ARL15: variants seen among roughly 807,000 people sequenced by gnomAD.
ARL15 encodes the protein ARF like GTPase 15.
Under a neutral mutation model 25.2 loss-of-function variants are expected in ARL15, and 19 were observed. The ratio of observed to expected loss-of-function variants is 0.75; its 90% CI spans 0.53 to 1.10. The LOEUF (loss-of-function observed/expected upper bound fraction) is 1.10. ARL15 is among the 50% of genes least tolerant of loss of function. ARL15 has a pLI of 0.00. For missense variants in ARL15, 220 were observed against 246.0 expected (o/e 0.89, Z 0.71); for synonymous variants, 94 against 86.8 (o/e 1.08, Z -0.46).
At chr5:54,085,227 G>C (rs760633028) in intron 4 of ARL15, among the ~76,000 whole-genome samples, 2 of 152,106 alleles carry the variant, frequency 1.3e-5, no homozygotes, top group Non-Finnish European at 2.9e-5. Flanking sequence ...AAACTACTGT[G>C]AATCAAAAGA....
intron 1 of ARL15, among the ~76,000 whole-genome samples, chr5:54,197,745 G>C (rs1466314862): frequency 6.6e-6 from 1 of 152,058 alleles, no homozygotes; most frequent in Non-Finnish European, 1.5e-5. Flanking sequence ...CATTCCTTCT[G>C]AAACTATTCC....
chr5:53,936,180 C>T (rs1332396385), intron 4 of ARL15, among the ~76,000 whole-genome samples: 2 of 152,282 alleles, frequency 1.3e-5, no homozygotes, highest in African/African-American at 2.4e-5. Flanking sequence ...CATGTTAGGC[C>T]TCTTTTCCTA....
intron 3 of ARL15, among the ~76,000 whole-genome samples, chr5:54,132,251 A>T (rs941163801): frequency 1.6e-4 from 25 of 152,154 alleles, no homozygotes; most frequent in African/African-American, 5.5e-4. Flanking sequence ...ACTACCATAT[A>T]GTATAAGAAA....
chr5:53,907,654 T>A (rs2111966566), intron 4 of ARL15, among the ~76,000 whole-genome samples: 1 of 150,848 alleles, frequency 6.6e-6, no homozygotes, highest in Non-Finnish European at 1.5e-5. Context: ...CCCTCCACCA[T>A]GCCCTGCTAA....
At chr5:54,111,755 T>A (rs890090782) in intron 4 of ARL15, among the ~76,000 whole-genome samples, 5 of 152,098 alleles carry the variant, frequency 3.3e-5, no homozygotes, top group Admixed American at 2.0e-4. Context: ...ATTACAAGAT[T>A]TTTTAGAATG....
intron 4 of ARL15, among the ~76,000 whole-genome samples, chr5:54,076,262 A>G (rs1751599727): frequency 1.3e-5 from 2 of 149,994 alleles, no homozygotes. Flanking sequence ...TAAAAACATG[A>G]AAAAAAAAAT....
At chr5:54,027,431 G>A (rs1283030218) in intron 4 of ARL15, among the ~76,000 whole-genome samples, 1 of 152,200 alleles carries the variant, frequency 6.6e-6, no homozygotes, top group African/African-American at 2.4e-5. Flanking sequence ...AGGCTCTGCA[G>A]CCCAGAACAG....
At chr5:54,136,604 G>A (rs977474565) in intron 3 of ARL15, among the ~76,000 whole-genome samples, 4 of 152,118 alleles carry the variant, frequency 2.6e-5, no homozygotes, top group Non-Finnish European at 4.4e-5. Context: ...GAAGAATCTG[G>A]AGAAAATGTT....
intron 4 of ARL15, among the ~76,000 whole-genome samples, chr5:54,016,668 T>C (rs923016645): frequency 1.3e-5 from 2 of 152,184 alleles, no homozygotes; most frequent in African/African-American, 4.8e-5. Flanking sequence ...TATTGCTGTG[T>C]GCTGAGAAGC....
At chr5:54,294,811 T>C (rs1311746086) in intron 1 of ARL15, among the ~76,000 whole-genome samples, 1 of 152,264 alleles carries the variant, frequency 6.6e-6, no homozygotes, top group Non-Finnish European at 1.5e-5. Flanking sequence ...ATTGTCTTAA[T>C]ATCACTCACT....
At chr5:53,982,497 C>G (rs566245556) in intron 4 of ARL15, among the ~76,000 whole-genome samples, 29 of 152,116 alleles carry the variant, frequency 1.9e-4, no homozygotes, top group African/African-American at 2.7e-4. Flanking sequence ...CATCCATGTC[C>G]CTGCAAAGGA....
rs775031344 is a variant in ARL15 at position 54,080,010 on chromosome 5, C to CACACACACACATAT, written c.462+33191_462+33192insATATGTGTGTGTGT. Among the ~76,000 whole-genome samples the CACACACACACATAT allele has an allele frequency of 2.5e-3, 360 of 144,774 alleles. 10 individuals are homozygous for CACACACACACATAT. The highest frequency in any genetic ancestry group is 4.2e-3 in the South Asian group (19 of 4,488). 95.0% of individuals were successfully genotyped at this position (144,774 alleles called of 152,430 possible). On this transcript the variant is annotated intron_variant, in intron 4 of 4. Coordinates refer to ENST00000504924, the MANE Select transcript of ARL15 (RefSeq NM_019087.3). Reference sequence around the variant, plus strand: ...ACACACACACACACACACACACACACACACACAGACACAGATGTATATTAA... The same window carrying CACACACACACATAT: ...ACACACACACACACACACACACACACACACACACACATATACACACAGACACAGATGTATATTAA...
intron 1 of ARL15, among the ~76,000 whole-genome samples, chr5:54,233,478 T>C (rs997606711): frequency 6.6e-6 from 1 of 152,246 alleles, no homozygotes; most frequent in African/African-American, 2.4e-5. Flanking sequence ...CATCATGAAC[T>C]TGACATATTT....
chr5:53,885,847 T>C lies in ARL15; in HGVS notation c.*714A>G, dbSNP rs1040443282. 6.6e-6 allele frequency: 1 copy of C among 152,152 alleles called. No individual in the cohort carries two copies. Among genetic ancestry groups the C allele is most frequent in the Non-Finnish European group, 1.5e-5 (1 of 68,030 alleles). 9.4% of individuals were successfully genotyped at this position (152,152 alleles called of 1,614,324 possible). On this transcript the variant is annotated 3_prime_UTR_variant, in exon 5 of 5. Coordinates refer to ENST00000504924, the MANE Select transcript of ARL15 (RefSeq NM_019087.3). ...CGAATCAATCAAATACAGTCTGTGA[T>C]GCATGCATTGTACCTAAATTTCCTC...
At chr5:54,269,614 A>G (rs910654292) in intron 1 of ARL15, among the ~76,000 whole-genome samples, 2 of 152,180 alleles carry the variant, frequency 1.3e-5, no homozygotes, top group East Asian at 3.8e-4. Flanking sequence ...TTATATTTTT[A>G]TTTACACAAC....
At chr5:54,001,733 T>C (rs1370447582) in intron 4 of ARL15, among the ~76,000 whole-genome samples, 3 of 152,246 alleles carry the variant, frequency 2.0e-5, no homozygotes. Flanking sequence ...TGCTGCTTCA[T>C]GCAATGCTTA....
At chr5:54,035,487 CT>C (rs1561197354) in intron 4 of ARL15, among the ~76,000 whole-genome samples, 1 of 152,150 alleles carries the variant, frequency 6.6e-6, no homozygotes, top group Admixed American at 6.5e-5. Flanking sequence ...TATATTAATA[CT>C]TGGTCATCAG....
chr5:54,287,051 T>C (rs188376633), intron 1 of ARL15, among the ~76,000 whole-genome samples: 1 of 151,910 alleles, frequency 6.6e-6, no homozygotes, highest in African/African-American at 2.4e-5. Context: ...CTAATTTTGT[T>C]TATTTTTTTG....
chr5:54,232,302 T>G (rs1756692558), intron 1 of ARL15, among the ~76,000 whole-genome samples: 1 of 152,202 alleles, frequency 6.6e-6, no homozygotes, highest in African/African-American at 2.4e-5. Flanking sequence ...TGTTCACGGC[T>G]GCAACCCTAA....
Sources: allele counts gnomAD v4.1 joint callset (sites outside exome capture counted in the v4.1 genomes callset), GRCh38; gene constraint gnomAD v4.1.1; transcripts MANE v1.5; gene names NCBI Gene and HGNC (gene_info 2026-07-23, HGNC 2026-07-21).